KCNN2: variants seen among roughly 807,000 people sequenced by gnomAD.
KCNN2 encodes small conductance calcium-activated potassium channel protein 2.
In KCNN2, 24 loss-of-function variants were observed where a neutral mutation model predicts 55.5. That is an observed-to-expected ratio of 0.43 (90% CI 0.31 to 0.61). KCNN2 has a LOEUF of 0.61. Among genes scored for constraint, KCNN2 ranks in the 20% least tolerant of loss-of-function variants. The pLI is 0.08. For missense variants in KCNN2, 754 were observed against 853.6 expected (o/e 0.88, Z 1.45); for synonymous variants, 431 against 336.1 (o/e 1.28, Z -3.09).
chr5:114,410,944 C>T (rs564124358), intron 3 of KCNN2, among the ~76,000 whole-genome samples: 1 of 152,232 alleles, frequency 6.6e-6, no homozygotes, highest in Admixed American at 6.5e-5. Flanking sequence ...TTTTTGAAAG[C>T]AGACAAACTG....
At chr5:114,129,128 A>T (rs76026710) in intron 1 of KCNN2, among the ~76,000 whole-genome samples, 22,130 of 152,212 alleles carry the variant, frequency 0.15, 1,807 homozygotes, top group Middle Eastern at 0.23. Flanking sequence ...TCAGAAGGAT[A>T]GAGTAGCAGT....
At chr5:114,106,846 A>G (rs546601622) in intron 1 of KCNN2, among the ~76,000 whole-genome samples, 68 of 152,104 alleles carry the variant, frequency 4.5e-4, no homozygotes, top group African/African-American at 1.6e-3. Flanking sequence ...TTACTGTCTT[A>G]ATAACTTTTT....
chr5:114,468,282 A>AATTG (rs1240619296), intron 4 of KCNN2, among the ~76,000 whole-genome samples: 3 of 152,142 alleles, frequency 2.0e-5, no homozygotes, highest in African/African-American at 7.2e-5. Flanking sequence ...TACTTGCCAG[A>AATTG]ATTGATTGTT....
intron 1 of KCNN2, among the ~76,000 whole-genome samples, chr5:114,128,593 A>C (rs1300847523): frequency 6.6e-6 from 1 of 152,206 alleles, no homozygotes; most frequent in Non-Finnish European, 1.5e-5. Flanking sequence ...TATCATTTTC[A>C]AGACATAATT....
chr5:114,277,647 A>G (rs765978965), intron 2 of KCNN2, among the ~76,000 whole-genome samples: 11 of 152,178 alleles, frequency 7.2e-5, no homozygotes, highest in Non-Finnish European at 1.3e-4. Context: ...AAGCTTGTGC[A>G]TGCTTCACAA....
At chr5:114,394,348 T>C (rs1758552484) in intron 2 of KCNN2, among the ~76,000 whole-genome samples, 1 of 152,202 alleles carries the variant, frequency 6.6e-6, no homozygotes, top group East Asian at 1.9e-4. Context: ...TGTCTCTTTC[T>C]TAATGTTTAA....
chr5:114,228,879 C>T (rs1754298405), intron 2 of KCNN2, among the ~76,000 whole-genome samples: 1 of 151,868 alleles, frequency 6.6e-6, no homozygotes, highest in South Asian at 2.1e-4. Context: ...AAGCGTTTTG[C>T]TTTCAAAAAT....
At chr5:114,225,661 GAA>G (rs548560610) in intron 2 of KCNN2, among the ~76,000 whole-genome samples, 2 of 150,500 alleles carry the variant, frequency 1.3e-5, no homozygotes, top group African/African-American at 4.9e-5. Flanking sequence ...CAAGGATAAA[GAA>G]AAAAATCCAA....
At chr5:114,329,474 C>T (rs906684549) in intron 2 of KCNN2, among the ~76,000 whole-genome samples, 1 of 152,316 alleles carries the variant, frequency 6.6e-6, no homozygotes, top group African/African-American at 2.4e-5. Context: ...ATGCTGGTTG[C>T]TTCCTGCCCT....
intron 1 of KCNN2, among the ~76,000 whole-genome samples, chr5:114,207,412 G>T (rs982114490): frequency 2.0e-5 from 3 of 152,188 alleles, no homozygotes; most frequent in African/African-American, 7.2e-5. Context: ...CCATTGTTCA[G>T]GTCATCGCAC....
intron 1 of KCNN2, among the ~76,000 whole-genome samples, chr5:114,138,489 T>C (rs1752214221): frequency 6.6e-6 from 1 of 152,196 alleles, no homozygotes; most frequent in South Asian, 2.1e-4. Context: ...CTTAAGGTCG[T>C]ATATATTTCT....
At chr5:114,258,756 A>G (rs1218609843) in intron 2 of KCNN2, among the ~76,000 whole-genome samples, 1 of 152,292 alleles carries the variant, frequency 6.6e-6, no homozygotes, top group East Asian at 1.9e-4. Context: ...GCTGCAGTGT[A>G]GCTGAGAGCT....
intron 3 of KCNN2, among the ~76,000 whole-genome samples, chr5:114,452,768 T>A (rs899370987): frequency 1.3e-5 from 2 of 152,186 alleles, no homozygotes; most frequent in African/African-American, 4.8e-5. Context: ...CTACAGTGAA[T>A]AGCTACGTGT....
chr5:114,461,155 T>C (rs911402711), intron 3 of KCNN2, among the ~76,000 whole-genome samples: 4 of 152,166 alleles, frequency 2.6e-5, no homozygotes, highest in African/African-American at 9.7e-5. Flanking sequence ...CCTGCTTAGC[T>C]CATATTGTGG....
intron 1 of KCNN2, among the ~76,000 whole-genome samples, chr5:114,075,934 G>A (rs571852303): frequency 6.6e-6 from 1 of 152,312 alleles, no homozygotes; most frequent in Admixed American, 6.5e-5. Context: ...GAGCCCTTGT[G>A]AGACCAACAA....
chr5:114,337,124 A>G (rs990169894), intron 2 of KCNN2, among the ~76,000 whole-genome samples: 2 of 152,184 alleles, frequency 1.3e-5, no homozygotes, highest in African/African-American at 4.8e-5. Context: ...TCAAAGAAAA[A>G]GGGGATGATC....
chr5:114,265,408 G>C (rs1273226313), intron 2 of KCNN2, among the ~76,000 whole-genome samples: 1 of 151,658 alleles, frequency 6.6e-6, no homozygotes, highest in Non-Finnish European at 1.5e-5. Flanking sequence ...TGTGATTATG[G>C]AGCTTGAGAA....
intron 1 of KCNN2, among the ~76,000 whole-genome samples, chr5:114,192,785 G>A (rs1753477045): frequency 6.6e-6 from 1 of 152,020 alleles, no homozygotes; most frequent in South Asian, 2.1e-4. Flanking sequence ...TATTTTTAGT[G>A]GTTGTTTTAT....
chr5:114,302,315 T>C (rs898112086), intron 2 of KCNN2, among the ~76,000 whole-genome samples: 1 of 152,208 alleles, frequency 6.6e-6, no homozygotes, highest in Admixed American at 6.5e-5. Context: ...GCTAGCACAA[T>C]ACAATGAACA....
Sources: allele counts gnomAD v4.1 joint callset (sites outside exome capture counted in the v4.1 genomes callset), GRCh38; gene constraint gnomAD v4.1.1; transcripts MANE v1.5; gene names NCBI Gene and HGNC (gene_info 2026-07-23, HGNC 2026-07-21).